CMSS1: variants seen among roughly 807,000 people sequenced by gnomAD.
The protein encoded by CMSS1 is protein CMSS1.
CMSS1 carries 33 observed loss-of-function variants against 43.5 expected under a neutral mutation model. The ratio of observed to expected loss-of-function variants is 0.76; its 90% confidence interval spans 0.57 to 1.01. The LOEUF is 1.01. CMSS1 is among the 50% of genes least tolerant of loss of function. The pLI, the probability that CMSS1 is intolerant of heterozygous loss-of-function variation, is 0.00. For missense variants in CMSS1, 313 were observed against 326.4 expected, an observed-to-expected ratio of 0.96 and a Z score of 0.32; for synonymous variants, 115 against 117.2, an observed-to-expected ratio of 0.98 and a Z score of 0.12.
intron 1 of CMSS1, among the ~76,000 whole-genome samples, chr3:100,094,187 G>T (rs1369679124): frequency 1.3e-5 from 2 of 152,162 alleles, no homozygotes; most frequent in African/African-American, 4.8e-5. Context: ...AGTTAATGAT[G>T]TGGGACATCT....
chr3:99,848,548 T>C (rs776719704), intron 1 of CMSS1: 7 of 1,614,130 alleles, frequency 4.3e-6, no homozygotes, highest in Non-Finnish European at 5.1e-6. Context: ...ACGCTGAAAC[T>C]GCCATGATGA....
intron 1 of CMSS1, among the ~76,000 whole-genome samples, chr3:100,131,723 A>T (rs1490585851): frequency 6.6e-6 from 1 of 152,252 alleles, no homozygotes; most frequent in East Asian, 1.9e-4. Context: ...TAAATAACTT[A>T]AGGTGTGGTA....
intron 1 of CMSS1, among the ~76,000 whole-genome samples, chr3:99,823,595 T>A (rs1942482124): frequency 6.6e-6 from 1 of 152,212 alleles, no homozygotes; most frequent in Admixed American, 6.5e-5. Flanking sequence ...TCATCCTTAC[T>A]GCCATAAGCT....
At chr3:99,923,062 C>T (rs1202042985) in intron 1 of CMSS1, among the ~76,000 whole-genome samples, 1 of 151,880 alleles carries the variant, frequency 6.6e-6, no homozygotes, top group Non-Finnish European at 1.5e-5. Context: ...TCATTGCCTT[C>T]TTTGTCTTCT....
intron 1 of CMSS1, chr3:99,876,257 G>C (rs2107595225): frequency 6.1e-6 from 6 of 981,180 alleles, no homozygotes; most frequent in Non-Finnish European, 7.3e-6. Flanking sequence ...CGGCGCTGTC[G>C]GCGGGGGCGC....
intron 1 of CMSS1, among the ~76,000 whole-genome samples, chr3:100,131,326 G>T (rs538215410): frequency 6.6e-6 from 1 of 152,180 alleles, no homozygotes; most frequent in Non-Finnish European, 1.5e-5. Flanking sequence ...GCATGATGGC[G>T]GTGGAAGATA....
chr3:99,875,979 C>A, intron 1 of CMSS1: 2 of 853,310 alleles, frequency 2.3e-6, no homozygotes, highest in Non-Finnish European at 2.8e-6. Flanking sequence ...GTTTGTGATG[C>A]TGAGACAGCT....
At chr3:99,918,177 C>T (rs1245925509) in intron 1 of CMSS1, among the ~76,000 whole-genome samples, 2 of 152,006 alleles carry the variant, frequency 1.3e-5, no homozygotes, top group Non-Finnish European at 2.9e-5. Context: ...AGGGTTTCAC[C>T]ATTTTGGCCA....
At chr3:99,917,776 A>G (rs1706997539) in intron 1 of CMSS1, among the ~76,000 whole-genome samples, 1 of 152,202 alleles carries the variant, frequency 6.6e-6, no homozygotes, top group Non-Finnish European at 1.5e-5. Flanking sequence ...TCCTTTAAGA[A>G]TGGATGTACA....
At chr3:100,156,309 T>TC (rs1383705319) in intron 2 of CMSS1, among the ~76,000 whole-genome samples, 3 of 134,548 alleles carry the variant, frequency 2.2e-5, no homozygotes, top group African/African-American at 8.4e-5. Context: ...CTTTTTTTTT[T>TC]TTTTTTTTTT....
chr3:99,924,662 G>A (rs1707234264), intron 1 of CMSS1, among the ~76,000 whole-genome samples: 1 of 152,154 alleles, frequency 6.6e-6, no homozygotes, highest in African/African-American at 2.4e-5. Context: ...GGGATTACAG[G>A]CATGCGCCAC....
chr3:100,166,401 A>G lies in CMSS1; in HGVS notation c.415+7A>G. The G allele has an allele frequency of 6.5e-7, 1 of 1,550,370 alleles. No homozygotes were observed. Among genetic ancestry groups the G allele is most frequent in the South Asian group, 1.1e-5 (1 of 89,794 alleles). On this transcript the variant is annotated splice_region_variant and intron_variant, in intron 5 of 9. Coordinates refer to ENST00000421999, the MANE Select transcript of CMSS1 (RefSeq NM_032359.4). ...TCCTCATACCTAAAAGAAAGTAAGT[A>G]AACTCTGATTTTAATCTATTTAAAC...
chr3:100,004,894 T>C (rs546707980), intron 1 of CMSS1, among the ~76,000 whole-genome samples: 1 of 152,314 alleles, frequency 6.6e-6, no homozygotes, highest in South Asian at 2.1e-4. Flanking sequence ...TTGGTGTCTG[T>C]TGGCAAGCAG....
chr3:99,849,996 T>C lies in CMSS1; in HGVS notation c.64+31953T>C, dbSNP rs367792130. 115 of 1,610,290 alleles carry C rather than the reference T, an allele frequency of 7.1e-5. No homozygotes were observed. The African/African-American group carries it at 1.4e-3, about 19-fold the overall frequency. ...TTTTTAAATCATCTCTCTCCTTGGT[T>C]ACGCTGTACATCTTTTCTTCTACAT... is the stretch of plus-strand genomic sequence containing the variant. On this transcript the variant is annotated intron_variant, in intron 1 of 9. Coordinates refer to ENST00000421999, the MANE Select transcript of CMSS1 (RefSeq NM_032359.4).
At chr3:100,143,983 A>G (rs993532100) in intron 1 of CMSS1, among the ~76,000 whole-genome samples, 1 of 152,150 alleles carries the variant, frequency 6.6e-6, no homozygotes, top group African/African-American at 2.4e-5. Context: ...TTATAACAGC[A>G]TATAGTTCGG....
intron 1 of CMSS1, among the ~76,000 whole-genome samples, chr3:100,042,346 C>G (rs1026554643): frequency 2.1e-4 from 31 of 150,896 alleles, no homozygotes; most frequent in African/African-American, 7.5e-4. Context: ...AACAAAAAAA[C>G]ATTGGCTCTG....
At chr3:100,117,878 T>TATATATATATATATATATATACAC (rs1357671856) in intron 1 of CMSS1, among the ~76,000 whole-genome samples, 1 of 129,084 alleles carries the variant, frequency 7.7e-6, no homozygotes, top group African/African-American at 3.2e-5. Flanking sequence ...TATATATATA[T>TATATATATATATATATATATACAC]ACACATACAA....
At chr3:99,992,372 A>T (rs1005223455) in intron 1 of CMSS1, among the ~76,000 whole-genome samples, 4 of 152,030 alleles carry the variant, frequency 2.6e-5, no homozygotes, top group African/African-American at 9.7e-5. Context: ...TCTGACTGAT[A>T]TAAGGGAGTA....
chr3:99,957,213 G>A (rs1348466043), intron 1 of CMSS1, among the ~76,000 whole-genome samples: 1 of 152,084 alleles, frequency 6.6e-6, no homozygotes, highest in Non-Finnish European at 1.5e-5. Flanking sequence ...GCAGTGAAAG[G>A]GCCAAGCCGG....
Sources: gnomAD v4.1 joint callset for allele counts (sites outside exome capture counted in the v4.1 genomes callset) on GRCh38, gnomAD v4.1.1 for gene constraint, MANE v1.5 for transcripts, NCBI Gene and HGNC (gene_info 2026-07-23, HGNC 2026-07-21) for gene names.